The following ARHGAP20 variants were observed in gnomAD, a reference collection of about 807,000 sequenced individuals.
ARHGAP20 encodes the protein Rho GTPase activating protein 20, also known as rho GTPase-activating protein 20.
ARHGAP20 carries 34 observed loss-of-function variants against 73.7 expected under a neutral mutation model. That is an observed-to-expected ratio of 0.46 (90% CI 0.35 to 0.61). The LOEUF is 0.61. ARHGAP20 is among the 20% of genes least tolerant of loss of function. ARHGAP20 has a pLI of 0.00. For missense variants in ARHGAP20, 1,314 were observed against 1,420.9 expected, an observed-to-expected ratio of 0.92 and a Z score of 1.21; for synonymous variants, 523 against 518.2, an observed-to-expected ratio of 1.01 and a Z score of -0.13.
intron 2 of ARHGAP20, among the ~76,000 whole-genome samples, chr11:110,673,192 AC>A (rs916478792): frequency 6.6e-6 from 1 of 152,174 alleles, no homozygotes; most frequent in South Asian, 2.1e-4. Context: ...AACTTTATGG[AC>A]CTAACAATAT....
intron 2 of ARHGAP20, among the ~76,000 whole-genome samples, chr11:110,686,567 T>C (rs1212147641): frequency 2.0e-5 from 3 of 152,166 alleles, no homozygotes; most frequent in African/African-American, 7.2e-5. Context: ...TATTCCTTTT[T>C]TATAAGCAAA....
At chr11:110,648,112 T>C (rs1191742881) in intron 2 of ARHGAP20, among the ~76,000 whole-genome samples, 1 of 147,760 alleles carries the variant, frequency 6.8e-6, no homozygotes, top group Non-Finnish European at 1.5e-5. Context: ...GACCGCACGA[T>C]CTTCCTTTTT....
At chr11:110,687,414 C>G (rs1261260696) in intron 2 of ARHGAP20, among the ~76,000 whole-genome samples, 2 of 152,106 alleles carry the variant, frequency 1.3e-5, no homozygotes, top group Non-Finnish European at 2.9e-5. Context: ...TACTAAGAAT[C>G]TGGGAGAACT....
chr11:110,644,771 A>G (rs1195249606), intron 2 of ARHGAP20, among the ~76,000 whole-genome samples: 1 of 152,202 alleles, frequency 6.6e-6, no homozygotes, highest in Non-Finnish European at 1.5e-5. Context: ...TAATTACAAC[A>G]AAAACAAAAA....
chr11:110,610,939 A>C (rs1948352236), intron 7 of ARHGAP20, among the ~76,000 whole-genome samples: 1 of 152,122 alleles, frequency 6.6e-6, no homozygotes, highest in African/African-American at 2.4e-5. Flanking sequence ...CAGGATAATT[A>C]TATAGGGGAA....
intron 2 of ARHGAP20, among the ~76,000 whole-genome samples, chr11:110,669,190 A>T (rs1232390073): frequency 6.6e-6 from 1 of 152,220 alleles, no homozygotes; most frequent in Non-Finnish European, 1.5e-5. Context: ...ATACTAGGGT[A>T]AAATATTCAC....
chr11:110,697,110 A>C (rs898385693), intron 1 of ARHGAP20, among the ~76,000 whole-genome samples: 12 of 151,450 alleles, frequency 7.9e-5, no homozygotes, highest in Admixed American at 2.6e-4. Context: ...GATACCCAGT[A>C]GTGGGATTGC....
Position 110,712,153 on chromosome 11 carries a change from G to C in ARHGAP20, c.79C>G (p.Leu27Val). The C allele has an allele frequency of 7.3e-7, 1 of 1,365,462 alleles. No homozygotes were observed. Among genetic ancestry groups the C allele is most frequent in the Admixed American group, 2.9e-5 (1 of 33,954 alleles). 84.6% of individuals were successfully genotyped at this position (1,365,462 alleles called of 1,614,324 possible). A position where few individuals can be genotyped will look rare whatever the true frequency, so the allele number is the denominator to read the frequency against. ...RSSSLTGVSR[L>V]AGGSCTKKKM... ...TTCTTGGTGCAGCTGCCTCCCGCGA[G>C]CCGAGACACTCCTGTCAGGGAAGAG... The change falls in exon 1 of 15, where the codon CTC becomes GTC. Residue 27 changes from leucine to valine, a missense_variant. Physicochemically the swap from Leu to Val is conservative, Grantham distance 32. This residue lies in a region of ARHGAP20 where 443 missense variants were observed against 466.4 expected (regional missense o/e 0.95). Coordinates refer to ENST00000683387, the MANE Select transcript of ARHGAP20 (RefSeq NM_001384657.1).
intron 2 of ARHGAP20, among the ~76,000 whole-genome samples, chr11:110,641,219 T>C (rs1358394158): frequency 1.3e-5 from 2 of 151,724 alleles, no homozygotes; most frequent in East Asian, 1.9e-4. Flanking sequence ...AAAGACAGAA[T>C]AGAAAGATGA....
chr11:110,705,898 T>C (rs939539776), intron 1 of ARHGAP20, among the ~76,000 whole-genome samples: 1 of 152,172 alleles, frequency 6.6e-6, no homozygotes, highest in African/African-American at 2.4e-5. Context: ...GCATAGAGAT[T>C]AGGCCTGGCT....
intron 1 of ARHGAP20, among the ~76,000 whole-genome samples, chr11:110,701,024 A>C (rs1450399795): frequency 1.3e-5 from 2 of 149,664 alleles, no homozygotes; most frequent in African/African-American, 4.9e-5. Flanking sequence ...AGTCTTTGCT[A>C]TTGTGAATAA....
At chr11:110,700,479 T>G (rs1196314349) in intron 1 of ARHGAP20, among the ~76,000 whole-genome samples, 3 of 152,106 alleles carry the variant, frequency 2.0e-5, no homozygotes, top group Non-Finnish European at 4.4e-5. Flanking sequence ...CCTACATGCC[T>G]GTAGCATTTA....
In ARHGAP20 at chr11:110,642,347, G is replaced by C. The variant is rs1949094834; in HGVS notation, c.189-11555C>G. 3.3e-5 allele frequency among the ~76,000 whole-genome samples: 5 copies of C among 152,040 alleles called. No homozygotes were observed. In the South Asian group the frequency reaches 1.0e-3, roughly 32 times the overall value. On this transcript the variant is annotated intron_variant, in intron 2 of 14. Transcript: ENST00000683387. ...ATGTGGAATAAAAGTGGTGAGAGTG[G>C]GCATTCTTGTCTTGTTCCGGTTCTC...
chr11:110,666,115 C>T (rs895042486), intron 2 of ARHGAP20, among the ~76,000 whole-genome samples: 1 of 151,994 alleles, frequency 6.6e-6, no homozygotes, highest in Non-Finnish European at 1.5e-5. Context: ...AAGAACTGTG[C>T]CATTTACAAC....
chr11:110,606,449 A>G, intron 9 of ARHGAP20, 112 bp downstream of exon 9: 1 of 1,198,276 alleles, frequency 8.3e-7, no homozygotes, highest in Non-Finnish European at 1.2e-6. Flanking sequence ...TTCCTTTTCA[A>G]AATACTTAGC....
In ARHGAP20 at chr11:110,611,352, G is replaced by A. The variant is rs763300982; in HGVS notation, c.665C>T (p.Ala222Val). Reference sequence around the variant, plus strand: ...TAATGACATGTTGATAACTTCATTCGCTGTATCTGAATTCATTACTGTTAT... The same window carrying A: ...TAATGACATGTTGATAACTTCATTCACTGTATCTGAATTCATTACTGTTAT... ...KTITVMNSDT[A>V]NEVINMSLPM... Residue 222 changes from alanine to valine, a missense_variant, in exon 7 of 15, where the codon GCG becomes GTG. This residue lies in a region of ARHGAP20 where 443 missense variants were observed against 466.4 expected (regional missense o/e 0.95). Transcript: ENST00000683387. 31 of 1,562,700 alleles carry A rather than the reference G, an allele frequency of 2.0e-5. No homozygotes were observed. In the East Asian group the frequency reaches 3.5e-4, roughly 18 times the overall value.
intron 9 of ARHGAP20, among the ~76,000 whole-genome samples, chr11:110,593,392 C>T (rs766547483): frequency 5.9e-5 from 9 of 152,132 alleles, no homozygotes; most frequent in African/African-American, 1.9e-4. Context: ...CTCTCTGTCC[C>T]CTCTTCCCAA....
At position 110,693,149 on chromosome 11, in the gene ARHGAP20, G is replaced by A. The variant is rs377629294; in HGVS notation, c.106-2520C>T. Among the ~76,000 whole-genome samples, 18 of 152,098 alleles carry A rather than the reference G, an allele frequency of 1.2e-4. No individual in the cohort carries two copies. In the East Asian group the frequency reaches 3.3e-3, roughly 28 times the overall value. On this transcript the variant is annotated intron_variant, in intron 1 of 14. Transcript: ENST00000683387. The stretch of plus-strand genomic sequence containing the variant: ...TCATTTGTATAATAGTGAATAGAAT[G>A]TATTTTCTGAGTTTTAAAATTGTCA...
intron 2 of ARHGAP20, among the ~76,000 whole-genome samples, chr11:110,656,470 C>T (rs1381137725): frequency 6.6e-6 from 1 of 152,084 alleles, no homozygotes; most frequent in Non-Finnish European, 1.5e-5. Context: ...TTCTGCCTCT[C>T]CCATATATGG....
Sources: gnomAD v4.1 joint callset for allele counts (sites outside exome capture counted in the v4.1 genomes callset) on GRCh38, gnomAD v4.1.1 for gene constraint, gnomAD v4.1.1 regional missense constraint, MANE v1.5 for transcripts, NCBI Gene and HGNC (gene_info 2026-07-23, HGNC 2026-07-21) for gene names.